TMEM132C: variants seen among roughly 807,000 people sequenced by gnomAD.
TMEM132C encodes the protein transmembrane protein 132C, also known as protein phosphatase 1, regulatory subunit 152.
In TMEM132C, 29 loss-of-function variants were observed where a neutral mutation model predicts 61.4. The ratio of observed to expected loss-of-function variants is 0.47; its 90% confidence interval spans 0.35 to 0.64. The LOEUF is 0.64. TMEM132C is among the 30% of genes least tolerant of loss of function. TMEM132C has a pLI of 0.00. For synonymous variants in TMEM132C, 656 were observed against 633.1 expected, an observed-to-expected ratio of 1.04 and a Z score of -0.54; for missense variants, 1,408 against 1,476.9, an observed-to-expected ratio of 0.95 and a Z score of 0.76.
intron 1 of TMEM132C, among the ~76,000 whole-genome samples, chr12:128,401,445 G>C (rs1386260034): frequency 6.6e-6 from 1 of 152,118 alleles, no homozygotes; most frequent in Non-Finnish European, 1.5e-5. Context: ...GAATGAAGTA[G>C]TCAGATACTT....
intron 2 of TMEM132C, among the ~76,000 whole-genome samples, chr12:128,434,190 C>T (rs1247707223): frequency 3.9e-5 from 6 of 152,216 alleles, no homozygotes; most frequent in Admixed American, 1.3e-4. Context: ...AACAGTAGCT[C>T]AAACTAGTGG....
At chr12:128,528,978 C>T (rs1873188631) in intron 2 of TMEM132C, among the ~76,000 whole-genome samples, 1 of 152,144 alleles carries the variant, frequency 6.6e-6, no homozygotes, top group Non-Finnish European at 1.5e-5. Flanking sequence ...TTCACTTTGC[C>T]TTTTGGCCCT....
At chr12:128,545,893 AT>A (rs1214267134) in intron 3 of TMEM132C, among the ~76,000 whole-genome samples, 1 of 151,988 alleles carries the variant, frequency 6.6e-6, no homozygotes, top group African/African-American at 2.4e-5. Flanking sequence ...CTGCCAGTGT[AT>A]TTTTCTGAAG....
chr12:128,607,892 T>C (rs1355720421), intron 3 of TMEM132C, among the ~76,000 whole-genome samples: 1 of 152,120 alleles, frequency 6.6e-6, no homozygotes, highest in East Asian at 1.9e-4. Context: ...AAGTGTGAGA[T>C]TCATACCCAG....
intron 2 of TMEM132C, among the ~76,000 whole-genome samples, chr12:128,488,644 G>A (rs1004981486): frequency 1.3e-5 from 2 of 151,846 alleles, no homozygotes; most frequent in African/African-American, 4.8e-5. Flanking sequence ...ATGGGTGATA[G>A]ATCATGACTC....
At chr12:128,626,511 C>G (rs756369780) in intron 4 of TMEM132C, among the ~76,000 whole-genome samples, 2 of 142,364 alleles carry the variant, frequency 1.4e-5, no homozygotes, top group Non-Finnish European at 3.0e-5. Flanking sequence ...GTGGTGTGAT[C>G]TCGGCTCACT....
intron 1 of TMEM132C, among the ~76,000 whole-genome samples, chr12:128,378,431 T>TC (rs1555221303): frequency 1.3e-5 from 2 of 151,520 alleles, no homozygotes; most frequent in Admixed American, 1.3e-4. Context: ...CAGATTTTTT[T>TC]AAAAAAATTA....
intron 1 of TMEM132C, among the ~76,000 whole-genome samples, chr12:128,325,324 A>G (rs569642251): frequency 6.6e-6 from 1 of 152,330 alleles, no homozygotes; most frequent in East Asian, 1.9e-4. Context: ...TAGTTAAAAA[A>G]TTGGGCCATG....
At chr12:128,593,901 C>G (rs966196397) in intron 3 of TMEM132C, among the ~76,000 whole-genome samples, 6 of 152,080 alleles carry the variant, frequency 3.9e-5, no homozygotes, top group African/African-American at 1.4e-4. Flanking sequence ...TGCTTGCCTA[C>G]CAAATCATGG....
chr12:128,474,819 C>G (rs1871101990), intron 2 of TMEM132C, among the ~76,000 whole-genome samples: 1 of 152,130 alleles, frequency 6.6e-6, no homozygotes, highest in African/African-American at 2.4e-5. Flanking sequence ...AAATTGGTAC[C>G]ACATAGTATG....
intron 3 of TMEM132C, among the ~76,000 whole-genome samples, chr12:128,600,524 A>G (rs1377800557): frequency 6.6e-6 from 1 of 152,216 alleles, no homozygotes; most frequent in Non-Finnish European, 1.5e-5. Flanking sequence ...TGCAGCGAGA[A>G]TTGGATGGCT....
Position 128,573,001 on chromosome 12 carries a change from G to T in TMEM132C, c.1121+28898G>T, listed in dbSNP as rs1363289127. ...AAATGGGAACACTTTTACATTGTTGGTGGGACTGTAAACTAGTTCAACCAT... is the reference window on the plus strand; with the variant it reads ...AAATGGGAACACTTTTACATTGTTGTTGGGACTGTAAACTAGTTCAACCAT... On this transcript the variant is annotated intron_variant, in intron 3 of 8. Coordinates refer to ENST00000435159, the MANE Select transcript of TMEM132C (RefSeq NM_001136103.3). 2.6e-5 allele frequency among the ~76,000 whole-genome samples: 4 copies of T among 152,232 alleles called. No homozygotes were observed. In the East Asian group the frequency reaches 5.8e-4, roughly 22 times the overall value.
chr12:128,532,640 CAAAAAAAAAAAAAA>C (rs61283555), intron 2 of TMEM132C, among the ~76,000 whole-genome samples: 1 of 67,172 alleles, frequency 1.5e-5, no homozygotes. Context: ...GACTCCATCT[CAAAAAAAAAAAAAA>C]AAAAAAAAAA....
chr12:128,705,594 G>T lies in TMEM132C; in HGVS notation c.2626G>T (p.Gly876Trp). 6.4e-7 allele frequency: 1 copy of T among 1,551,140 alleles called. No homozygotes were observed. Among genetic ancestry groups the T allele is most frequent in the African/African-American group, 1.4e-5 (1 of 73,176 alleles). Residue 876 changes from glycine to tryptophan, a missense_variant, in exon 9 of 9, where the codon GGG becomes TGG. Transcript: ENST00000435159. ...NKVVKNSRADGGRLAGEGQLQ... is the reference protein window; with the variant it reads ...NKVVKNSRADWGRLAGEGQLQ... ...AGTGGTGAAGAACAGTCGGGCAGAC[G>T]GGGGCAGGCTGGCAGGAGAGGGGCA...
chr12:128,653,779 G>A (rs189514373), intron 4 of TMEM132C, among the ~76,000 whole-genome samples: 1 of 152,312 alleles, frequency 6.6e-6, no homozygotes, highest in African/African-American at 2.4e-5. Flanking sequence ...GAGGTGCGAG[G>A]TGGCCCATGT....
chr12:128,319,562 T>C (rs1256011180), intron 1 of TMEM132C, among the ~76,000 whole-genome samples: 1 of 151,982 alleles, frequency 6.6e-6, no homozygotes, highest in Non-Finnish European at 1.5e-5. Context: ...GCACGGTGGC[T>C]CATGCCTGTA....
intron 1 of TMEM132C, among the ~76,000 whole-genome samples, chr12:128,311,246 C>T (rs1035098450): frequency 1.3e-5 from 2 of 152,204 alleles, no homozygotes; most frequent in Non-Finnish European, 2.9e-5. Context: ...AGATAAGATC[C>T]GTACTTCTTT....
chr12:128,487,019 C>T (rs966592385), intron 2 of TMEM132C, among the ~76,000 whole-genome samples: 1 of 152,066 alleles, frequency 6.6e-6, no homozygotes, highest in Non-Finnish European at 1.5e-5. Context: ...CTACTCTGTT[C>T]TAGAAACTTA....
chr12:128,641,242 G>A (rs1460466084), intron 4 of TMEM132C, among the ~76,000 whole-genome samples: 2 of 152,080 alleles, frequency 1.3e-5, no homozygotes, highest in Non-Finnish European at 2.9e-5. Flanking sequence ...ACAGATCCAT[G>A]TCCAGCATCT....
Sources: allele counts gnomAD v4.1 joint callset (sites outside exome capture counted in the v4.1 genomes callset), GRCh38; gene constraint gnomAD v4.1.1; transcripts MANE v1.5; gene names NCBI Gene and HGNC (gene_info 2026-07-23, HGNC 2026-07-21).